CAMK2B: variants seen among roughly 807,000 people sequenced by gnomAD.
CAMK2B encodes calcium/calmodulin dependent protein kinase II beta.
CAMK2B carries 27 observed loss-of-function variants against 93.7 expected under a neutral mutation model. The observed-to-expected ratio is 0.29, with a 90% CI of 0.21 to 0.40. CAMK2B has a LOEUF of 0.40. Among genes scored for constraint, CAMK2B ranks in the 10% least tolerant of loss-of-function variants. The probability of loss-of-function intolerance (pLI) is 1.00; values close to 1 mark genes in which losing one functional copy is unlikely to be tolerated. For synonymous variants in CAMK2B, 374 were observed against 358.8 expected (o/e 1.04, Z -0.48); for missense variants, 568 against 895.8 (o/e 0.63, Z 4.67).
At chr7:44,242,991 C>G (rs570356097) in intron 8 of CAMK2B, among the ~76,000 whole-genome samples, 32 of 152,360 alleles carry the variant, frequency 2.1e-4, no homozygotes, top group Admixed American at 6.5e-4. Flanking sequence ...ATCCACCCAC[C>G]ACACTTCTGG....
chr7:44,310,319 A>T (rs905347064), intron 1 of CAMK2B, among the ~76,000 whole-genome samples: 2 of 152,192 alleles, frequency 1.3e-5, no homozygotes, highest in Non-Finnish European at 2.9e-5. Flanking sequence ...GTCTCAGAAG[A>T]AAGAAATGGG....
Position 44,312,519 on chromosome 7 carries a change from A to T in CAMK2B, c.65+12838T>A, listed in dbSNP as rs1042748909. 1.3e-5 allele frequency among the ~76,000 whole-genome samples: 2 copies of T among 152,122 alleles called. No homozygotes were observed. Among genetic ancestry groups the T allele is most frequent in the Non-Finnish European group, 2.9e-5 (2 of 68,008 alleles). ...GAGGATGATGAGGCTGGAGAAAGAA[A>T]CAGCCCCAGGTCCTTCCCGGGAGGG... On this transcript the variant is annotated intron_variant, in intron 1 of 23. Transcript: ENST00000395749. The surrounding 1 kb of genome is among the most constrained non-coding windows in gnomAD (Gnocchi z 4.1).
chr7:44,264,695 C>G (rs1421740623), intron 2 of CAMK2B, among the ~76,000 whole-genome samples: 1 of 152,238 alleles, frequency 6.6e-6, no homozygotes, highest in African/African-American at 2.4e-5. Flanking sequence ...TTCCAGAATA[C>G]TCCAGTCCCT....
chr7:44,239,651 G>A lies in CAMK2B; in HGVS notation c.959C>T (p.Thr320Ile). The A allele has an allele frequency of 6.5e-7, 1 of 1,542,798 alleles. No homozygotes were observed. Among genetic ancestry groups the A allele is most frequent in the African/African-American group, 1.4e-5 (1 of 72,904 alleles). ...ATRNFSVGRQ[T>I]TAPATMSTAA... The stretch of plus-strand genomic sequence containing the variant: ...GGTGGACATTGTGGCCGGAGCGGTG[G>A]TCTGTCTGCCCACTGTTAGCACCGG... The change falls in exon 13 of 24, where the codon ACC becomes ATC. Residue 320 changes from threonine (T) to isoleucine (I), a missense_variant. Physicochemically the swap from Thr to Ile is moderately conservative, Grantham distance 89 (BLOSUM62 -1). Coordinates refer to ENST00000395749, the MANE Select transcript of CAMK2B (RefSeq NM_001220.5).
At chr7:44,281,143 G>A (rs569928319) in intron 2 of CAMK2B, among the ~76,000 whole-genome samples, 1 of 152,362 alleles carries the variant, frequency 6.6e-6, no homozygotes, top group East Asian at 1.9e-4. Flanking sequence ...GGGAGGCGCT[G>A]GCTTTAACAT....
rs1443076330 is a variant in CAMK2B, at chr7:44,225,730, C to A, written c.1597+786G>T. ...GCCCAGCCTGCAGAGGGGACGGTGG[C>A]AAGCAGACCCCACCTGTCCCTCAAG... On this transcript the variant is annotated intron_variant, in intron 20 of 23. Coordinates refer to ENST00000395749, the MANE Select transcript of CAMK2B (RefSeq NM_001220.5). The surrounding 1 kb of genome is among the most constrained non-coding windows in gnomAD (Gnocchi z 5.0). 7.8e-7 allele frequency: 1 copy of A among 1,289,170 alleles called. No homozygotes were observed. Among genetic ancestry groups the A allele is most frequent in the East Asian group, 5.6e-5 (1 of 18,004 alleles). The allele number at this position is 1,289,170 out of a possible 1,614,324, so 79.9% of individuals were successfully genotyped here.
intron 5 of CAMK2B, among the ~76,000 whole-genome samples, chr7:44,251,161 G>T (rs1386562724): frequency 1.3e-5 from 2 of 152,164 alleles, no homozygotes; most frequent in African/African-American, 4.8e-5. Flanking sequence ...GCACCTCCCT[G>T]CCTGGGTCTG....
intron 2 of CAMK2B, among the ~76,000 whole-genome samples, chr7:44,274,089 G>C (rs917771257): frequency 2.0e-4 from 30 of 152,160 alleles, no homozygotes; most frequent in African/African-American, 6.5e-4. Context: ...CTCCCCAGCA[G>C]GAGAGGCTGA....
At chr7:44,270,194 G>C (rs2096961464) in intron 2 of CAMK2B, among the ~76,000 whole-genome samples, 2 of 152,056 alleles carry the variant, frequency 1.3e-5, no homozygotes, top group Non-Finnish European at 2.9e-5. Flanking sequence ...CCTCATGCCT[G>C]GGAGGAGATC....
At chr7:44,324,737 C>T (rs914339168) in intron 1 of CAMK2B, among the ~76,000 whole-genome samples, 1 of 152,194 alleles carries the variant, frequency 6.6e-6, no homozygotes, top group African/African-American at 2.4e-5. Context: ...CTGACCTCGT[C>T]CTCCCCACAC....
At chr7:44,266,538 G>C (rs1197406392) in intron 2 of CAMK2B, among the ~76,000 whole-genome samples, 1 of 152,206 alleles carries the variant, frequency 6.6e-6, no homozygotes, top group Non-Finnish European at 1.5e-5. Context: ...ACCATATCTT[G>C]CTCATCCCTC....
intron 3 of CAMK2B, among the ~76,000 whole-genome samples, chr7:44,260,152 A>T (rs2096867677): frequency 6.6e-6 from 1 of 152,136 alleles, no homozygotes; most frequent in African/African-American, 2.4e-5. Context: ...AGACAGTAAG[A>T]CGTAGCCACC....
chr7:44,290,047 G>A (rs919830044), intron 1 of CAMK2B, among the ~76,000 whole-genome samples: 7 of 152,218 alleles, frequency 4.6e-5, no homozygotes, highest in African/African-American at 1.7e-4. Context: ...ACAGGCATGC[G>A]CACACACACA....
intron 19 of CAMK2B, among the ~76,000 whole-genome samples, chr7:44,227,886 G>T (rs2096534151): frequency 7.5e-6 from 1 of 133,952 alleles, no homozygotes; most frequent in African/African-American, 2.8e-5. Flanking sequence ...GACAGAGGGG[G>T]ATGTAGGGAT....
chr7:44,260,298 C>A (rs992608600), intron 3 of CAMK2B, among the ~76,000 whole-genome samples: 3 of 152,202 alleles, frequency 2.0e-5, no homozygotes, highest in Non-Finnish European at 2.9e-5. Context: ...GGGGCCCAGC[C>A]TGATAGCGTC....
chr7:44,234,706 G>A, intron 13 of CAMK2B, 30 bp from the exon 14 acceptor site: 1 of 1,612,730 alleles, frequency 6.2e-7, no homozygotes, highest in Non-Finnish European at 8.5e-7. Context: ...AAGGTATGGT[G>A]AGTGATGGGC....
chr7:44,239,602 C>T lies in CAMK2B; in HGVS notation c.1008G>A (p.Gly336=). ...MSTAASGTTM[G]LVEQAKSLLN... ...AGACACATCTACCTTGTTCCACCAG[C>T]CCCATGGTGGTGCCGGAGGCCGCGG... is the stretch of plus-strand genomic sequence containing the variant. Residue 336 remains glycine (G), a synonymous_variant, in exon 13 of 24, where the codon GGG becomes GGA. Transcript: ENST00000395749. 1 of 1,550,022 alleles carries T rather than the reference C, an allele frequency of 6.5e-7. No homozygotes were observed. Among genetic ancestry groups the T allele is most frequent in the Non-Finnish European group, 8.7e-7 (1 of 1,146,786 alleles).
chr7:44,283,890 C>A (rs527418561), intron 2 of CAMK2B, among the ~76,000 whole-genome samples: 43 of 152,342 alleles, frequency 2.8e-4, no homozygotes, highest in African/African-American at 1.0e-3. Context: ...CCCTTGGCAC[C>A]CCCACCAGCC....
chr7:44,228,472 G>C (rs1024522806), intron 19 of CAMK2B, among the ~76,000 whole-genome samples: 2 of 152,144 alleles, frequency 1.3e-5, no homozygotes, highest in African/African-American at 4.8e-5. Context: ...AGAGGGCCTA[G>C]GGGCATGGGG....
Sources: gnomAD v4.1 joint callset for allele counts (sites outside exome capture counted in the v4.1 genomes callset) on GRCh38, gnomAD v4.1.1 for gene constraint, Gnocchi (gnomAD v3.1) non-coding constraint, MANE v1.5 for transcripts, NCBI Gene and HGNC (gene_info 2026-07-23, HGNC 2026-07-21) for gene names.